The following EYS variants were observed in gnomAD, a reference collection of about 807,000 sequenced individuals.
The protein encoded by EYS is protein eyes shut homolog.
In EYS, 250 loss-of-function variants were observed where a neutral mutation model predicts 282.1. The ratio of observed to expected loss-of-function variants is 0.89; its 90% CI spans 0.80 to 0.98. The LOEUF (loss-of-function observed/expected upper bound fraction) is 0.98. Ranked by LOEUF, EYS falls within the 50% of genes least tolerant of loss-of-function variation. The pLI, the probability that EYS is intolerant of heterozygous loss-of-function variation, is 0.00. For synonymous variants in EYS, 1,355 were observed against 1,282.9 expected, an observed-to-expected ratio of 1.06 and a Z score of -1.20; for missense variants, 4,016 against 3,709.0, an observed-to-expected ratio of 1.08 and a Z score of -2.15.
chr6:65,417,520 A>T (rs1309794568), intron 5 of EYS, among the ~76,000 whole-genome samples: 1 of 151,996 alleles, frequency 6.6e-6, no homozygotes, highest in Admixed American at 6.6e-5. Flanking sequence ...CATTGTATGG[A>T]TCTGCAATTT....
At chr6:64,923,640 A>G (rs964348706) in intron 15 of EYS, among the ~76,000 whole-genome samples, 42 of 152,176 alleles carry the variant, frequency 2.8e-4, no homozygotes, top group African/African-American at 1.0e-3. Flanking sequence ...GTTATTTCCT[A>G]GATACAGTGG....
At chr6:65,520,279 T>C (rs978071150) in intron 2 of EYS, among the ~76,000 whole-genome samples, 1 of 152,162 alleles carries the variant, frequency 6.6e-6, no homozygotes, top group African/African-American at 2.4e-5. Context: ...AATTTATATA[T>C]GATAAAAAGA....
At chr6:64,194,809 G>A (rs1283539411) in intron 31 of EYS, among the ~76,000 whole-genome samples, 1 of 151,978 alleles carries the variant, frequency 6.6e-6, no homozygotes, top group Non-Finnish European at 1.5e-5. Flanking sequence ...ATTGTTCTGT[G>A]AAATACTGAG....
chr6:64,554,699 C>T (rs912778771), intron 26 of EYS, among the ~76,000 whole-genome samples: 1 of 151,742 alleles, frequency 6.6e-6, no homozygotes, highest in African/African-American at 2.4e-5. Flanking sequence ...AAACAAATGA[C>T]CCAATCAAAA....
At position 64,125,147 on chromosome 6, in the gene EYS, A is replaced by ACTCT. The variant is rs747610398; in HGVS notation, c.6425-43149_6425-43146dup. Among the ~76,000 whole-genome samples the ACTCT allele has an allele frequency of 8.4e-4, 123 of 147,232 alleles. 1 individual carries two copies. The East Asian group carries it at 0.018, about 22-fold the overall frequency. On this transcript the variant is annotated intron_variant, in intron 31 of 42. Transcript: ENST00000503581. ...GATGATGTCAAACACACACACACAC[A>ACTCT]CTCTCTGTCTCTCTCTCTCTCTCTC...
At chr6:63,814,156 T>C (rs987981740) in intron 36 of EYS, among the ~76,000 whole-genome samples, 17 of 152,234 alleles carry the variant, frequency 1.1e-4, no homozygotes, top group African/African-American at 3.4e-4. Flanking sequence ...ACAAACTCCT[T>C]GAGGAATACA....
chr6:64,556,129 T>C (rs1040586610), intron 26 of EYS, among the ~76,000 whole-genome samples: 2 of 152,034 alleles, frequency 1.3e-5, no homozygotes, highest in Non-Finnish European at 2.9e-5. Flanking sequence ...AAATTTTACT[T>C]TTGTATTTAC....
At chr6:65,421,064 T>C (rs1767438577) in intron 5 of EYS, among the ~76,000 whole-genome samples, 1 of 151,868 alleles carries the variant, frequency 6.6e-6, no homozygotes, top group African/African-American at 2.4e-5. Flanking sequence ...TCAACTAAAA[T>C]TCACCAGCTG....
At chr6:65,427,069 C>A (rs1767691074) in intron 5 of EYS, among the ~76,000 whole-genome samples, 1 of 151,920 alleles carries the variant, frequency 6.6e-6, no homozygotes, top group African/African-American at 2.4e-5. Context: ...TCTATTATAA[C>A]CTTAAATAAA....
rs758996468 is a variant in EYS, at chr6:65,402,530, G to C, written c.1132C>G (p.Pro378Ala). 1 of 1,550,372 alleles carries C rather than the reference G, an allele frequency of 6.5e-7. No homozygotes were observed. The highest frequency in any genetic ancestry group is 8.9e-7 in the Non-Finnish European group (1 of 1,123,124). The change falls in exon 7 of 43, where the codon CCT becomes GCT. Residue 378 changes from proline (P) to alanine (A), a missense_variant. Physicochemically the swap from Pro to Ala is conservative, Grantham distance 27 (BLOSUM62 -1). Coordinates refer to ENST00000503581, the MANE Select transcript of EYS (RefSeq NM_001142800.2). ...TTACATGTAGCATTATTCCTCAAAG[G>C]AAATGACTCACATGATGTTTGAATG... ...KSIQTSCESF[P>A]LRNNATCKKC...
intron 41 of EYS, among the ~76,000 whole-genome samples, chr6:63,739,914 G>A (rs1459829142): frequency 6.7e-6 from 1 of 149,782 alleles, no homozygotes; most frequent in Non-Finnish European, 1.5e-5. Flanking sequence ...TAGCCAGGCT[G>A]GTCTCGAACT....
chr6:64,267,884 G>A lies in EYS; in HGVS notation c.6192-37060C>T, dbSNP rs111411185. Among the ~76,000 whole-genome samples the A allele has an allele frequency of 7.8e-3, 1,194 of 152,154 alleles. 5 individuals are homozygous for A. The highest frequency in any genetic ancestry group is 0.012 in the Non-Finnish European group (844 of 67,984). On this transcript the variant is annotated intron_variant, in intron 30 of 42. Coordinates refer to ENST00000503581, the MANE Select transcript of EYS (RefSeq NM_001142800.2). ...GGCAAAATTTTAAAAAATGATTATG[G>A]TGAGGTTTTAGGTTTTTGCTCTCTT...
In EYS at chr6:64,822,689, G is replaced by A. The variant is rs368790430; in HGVS notation, c.3126C>T (p.Asn1042=). ...SGFFGTHCET[N]ANDCLSNPCL... is the part of the protein sequence containing the mutation. The stretch of plus-strand genomic sequence containing the variant: ...AAGGATTTGAAAGGCAATCATTGGC[G>A]TTTGTTTCACAGTGTGTTCCAAAAA... Residue 1042 remains asparagine, a synonymous_variant, in exon 20 of 43, where the codon AAC becomes AAT. Transcript: ENST00000503581. 22 of 1,545,096 alleles carry A rather than the reference G, an allele frequency of 1.4e-5. No homozygotes were observed. In the Admixed American group the frequency reaches 1.6e-4, roughly 11 times the overall value.
chr6:64,591,830 G>C lies in EYS; in HGVS notation c.4037C>G (p.Ser1346Cys), dbSNP rs1199156012. ...KHSLLSSADV[S>C]SSRFLNFGIR... ...ACCAAAATTCAGGAATCGAGAAGAG[G>C]AAACATCTGCGGAAGAAAGAAGACT... is the stretch of plus-strand genomic sequence containing the variant. The change falls in exon 26 of 43, where the codon TCC becomes TGC. Residue 1346 changes from serine (S) to cysteine (C), a missense_variant. Physicochemically the swap from Ser to Cys is moderately radical, Grantham distance 112. Coordinates refer to ENST00000503581, the MANE Select transcript of EYS (RefSeq NM_001142800.2). 6.4e-7 allele frequency: 1 copy of C among 1,551,152 alleles called. No individual in the cohort carries two copies. The highest frequency in any genetic ancestry group is 1.4e-5 in the African/African-American group (1 of 73,000).
At chr6:64,201,752 G>T (rs1765464836) in intron 31 of EYS, among the ~76,000 whole-genome samples, 1 of 152,156 alleles carries the variant, frequency 6.6e-6, no homozygotes, top group African/African-American at 2.4e-5. Context: ...CATCTCAGAA[G>T]ATGGCTTCAC....
intron 22 of EYS, among the ~76,000 whole-genome samples, chr6:64,724,292 C>G (rs531443171): frequency 6.6e-6 from 1 of 152,144 alleles, no homozygotes; most frequent in South Asian, 2.1e-4. Flanking sequence ...AAAGCATGTG[C>G]AGTTTTGACA....
At chr6:65,287,152 T>A (rs897030953) in intron 12 of EYS, among the ~76,000 whole-genome samples, 1 of 151,438 alleles carries the variant, frequency 6.6e-6, no homozygotes, top group East Asian at 1.9e-4. Flanking sequence ...AAAAATAAGA[T>A]ATTTCATATT....
At chr6:64,551,752 C>A (rs1765090721) in intron 26 of EYS, among the ~76,000 whole-genome samples, 1 of 151,934 alleles carries the variant, frequency 6.6e-6, no homozygotes, top group Non-Finnish European at 1.5e-5. Flanking sequence ...TAGTGAAAAG[C>A]ATTTTCCTTT....
At chr6:64,020,595 T>A (rs1769142292) in intron 33 of EYS, among the ~76,000 whole-genome samples, 1 of 152,138 alleles carries the variant, frequency 6.6e-6, no homozygotes, top group Non-Finnish European at 1.5e-5. Flanking sequence ...CAATTTCCAT[T>A]CCTTTCACAT....
Sources: allele counts gnomAD v4.1 joint callset (sites outside exome capture counted in the v4.1 genomes callset), GRCh38; gene constraint gnomAD v4.1.1; transcripts MANE v1.5; gene names NCBI Gene and HGNC (gene_info 2026-07-23, HGNC 2026-07-21).